Variants in BANK1 observed in about 807,000 individuals in gnomAD.
BANK1 encodes the protein B cell scaffold protein with ankyrin repeats 1, also known as B-cell scaffold protein with ankyrin repeats.
BANK1 carries 95 observed loss-of-function variants against 94.5 expected under a neutral mutation model. The observed-to-expected ratio is 1.00, with a 90% confidence interval of 0.85 to 1.19. The LOEUF is 1.19. Among genes scored for constraint, BANK1 ranks in the 50% most tolerant of loss-of-function variants. The pLI is 0.00. For missense variants in BANK1, 987 were observed against 932.2 expected (o/e 1.06, Z -0.77); for synonymous variants, 334 against 308.4 (o/e 1.08, Z -0.87).
rs1325831775 is a variant in BANK1 at position 102,025,099 on chromosome 4, A to T, written c.1286-102A>T. The T allele has an allele frequency of 2.4e-6, 3 of 1,254,922 alleles. No homozygotes were observed. In the East Asian group the frequency reaches 7.0e-5, roughly 29 times the overall value. The allele number at this position is 1,254,922 out of a possible 1,614,324, so 77.7% of individuals were successfully genotyped here. Reference sequence around the variant, plus strand: ...GCTTTTCACTATATCAGGTCATAAAAGTTTTATTAGCAGTACTACTATTTC... The same window carrying T: ...GCTTTTCACTATATCAGGTCATAAATGTTTTATTAGCAGTACTACTATTTC... On this transcript the variant is annotated intron_variant, in intron 8 of 16. Coordinates refer to ENST00000322953, the MANE Select transcript of BANK1 (RefSeq NM_017935.5).
intron 7 of BANK1, chr4:101,981,744 A>G (rs1169486963): frequency 6.6e-6 from 1 of 152,048 alleles, no homozygotes; most frequent in Non-Finnish European, 1.5e-5. Flanking sequence ...TTTCTAAGCT[A>G]CTATACTAGT....
intron 5 of BANK1, among the ~76,000 whole-genome samples, chr4:101,875,652 G>A (rs535893613): frequency 2.0e-3 from 312 of 152,270 alleles, no homozygotes; most frequent in Non-Finnish European, 3.3e-3. Flanking sequence ...TTCAAGATGA[G>A]ATTTGGGTGG....
At chr4:101,878,922 A>G (rs548905704) in intron 5 of BANK1, among the ~76,000 whole-genome samples, 4 of 152,086 alleles carry the variant, frequency 2.6e-5, no homozygotes, top group Non-Finnish European at 4.4e-5. Context: ...GCAGTACAAC[A>G]TACCAAAATC....
At chr4:101,933,080 C>G (rs975647623) in intron 7 of BANK1, among the ~76,000 whole-genome samples, 3 of 151,442 alleles carry the variant, frequency 2.0e-5, no homozygotes, top group African/African-American at 7.3e-5. Context: ...AGTTACACTG[C>G]AAACTCTCTT....
chr4:101,870,629 A>G lies in BANK1; in HGVS notation c.888A>G (p.Gly296=). The G allele has an allele frequency of 6.2e-7, 1 of 1,610,904 alleles. No homozygotes were observed. Among genetic ancestry groups the G allele is most frequent in the Non-Finnish European group, 8.5e-7 (1 of 1,178,604 alleles). ...GCCTATTCAGAATGGCAGATTCAGG[A>G]GAGAGTTTGTGCCAGGTAAGTTAAT... is the stretch of plus-strand genomic sequence containing the variant. The part of the protein sequence containing the change: ...KECLFRMADS[G]ESLCQNSIEE... The change falls in exon 5 of 17, where the codon GGA becomes GGG. Residue 296 remains glycine (G), a synonymous_variant. Coordinates refer to ENST00000322953, the MANE Select transcript of BANK1 (RefSeq NM_017935.5).
At chr4:102,061,258 T>C (rs775108974) in intron 12 of BANK1, among the ~76,000 whole-genome samples, 1 of 152,142 alleles carries the variant, frequency 6.6e-6, no homozygotes, top group Non-Finnish European at 1.5e-5. Flanking sequence ...AGAATCAAAA[T>C]AGAGAAATTT....
chr4:101,948,103 T>C (rs1723997453), intron 7 of BANK1, among the ~76,000 whole-genome samples: 1 of 152,136 alleles, frequency 6.6e-6, no homozygotes. Context: ...TGTATGTCAT[T>C]TGTTACTTTA....
chr4:101,986,239 T>G (rs1725477911), intron 7 of BANK1, among the ~76,000 whole-genome samples: 1 of 152,108 alleles, frequency 6.6e-6, no homozygotes, highest in Non-Finnish European at 1.5e-5. Flanking sequence ...AAGACACACA[T>G]GTTCCTAAAA....
intron 5 of BANK1, among the ~76,000 whole-genome samples, chr4:101,872,817 A>C (rs1728343556): frequency 6.6e-6 from 1 of 152,058 alleles, no homozygotes; most frequent in South Asian, 2.1e-4. Context: ...GCAAAACCCC[A>C]TCTCTACTAA....
chr4:101,875,511 C>G lies in BANK1; in HGVS notation c.903+4867C>G, dbSNP rs141399705. On this transcript the variant is annotated intron_variant, in intron 5 of 16. Transcript: ENST00000322953. ...TGGCAGGAGGTGGTTGGGGGGACTG[C>G]CACACATTTTTAAACCATCAGATCT... Among the ~76,000 whole-genome samples the G allele has an allele frequency of 4.1e-3, 622 of 152,038 alleles. 5 individuals carry two copies. Among genetic ancestry groups the G allele is most frequent in the African/African-American group, 0.014 (564 of 41,470 alleles).
intron 10 of BANK1, among the ~76,000 whole-genome samples, chr4:102,034,209 G>A (rs1317021113): frequency 1.3e-5 from 2 of 152,118 alleles, no homozygotes; most frequent in Non-Finnish European, 2.9e-5. Flanking sequence ...GAAAGATTGG[G>A]AATAGAAGAT....
intron 2 of BANK1, among the ~76,000 whole-genome samples, chr4:101,848,211 G>T (rs1727332330): frequency 6.6e-6 from 1 of 152,054 alleles, no homozygotes; most frequent in Non-Finnish European, 1.5e-5. Flanking sequence ...TTTTGGGGGG[G>T]GTCTCCTGGG....
rs191713165 is a variant in BANK1, at chr4:101,886,181, G to T, written c.904-9124G>T. 2.0e-3 allele frequency among the ~76,000 whole-genome samples: 309 copies of T among 152,258 alleles called. 4 individuals carry two copies. The highest frequency in any genetic ancestry group is 0.018 in the Admixed American group (274 of 15,298). On this transcript the variant is annotated intron_variant, in intron 5 of 16. Transcript: ENST00000322953. ...CACATGGCTGCTCAATAAATATTTT[G>T]TTGGGCAAATAGGAGGTGAAAAAAT...
At chr4:102,052,135 TTGA>T (rs1336142860) in intron 11 of BANK1, among the ~76,000 whole-genome samples, 2 of 136,216 alleles carry the variant, frequency 1.5e-5, no homozygotes, top group Non-Finnish European at 1.6e-5. Flanking sequence ...TTTTTTTTTT[TTGA>T]GACAGAGTCT....
At chr4:101,881,480 G>A (rs1182896802) in intron 5 of BANK1, among the ~76,000 whole-genome samples, 1 of 152,054 alleles carries the variant, frequency 6.6e-6, no homozygotes, top group Non-Finnish European at 1.5e-5. Context: ...AAGTAAATTA[G>A]TACAACCACT....
intron 9 of BANK1, among the ~76,000 whole-genome samples, chr4:102,027,723 G>C (rs1250794198): frequency 6.7e-6 from 1 of 150,156 alleles, no homozygotes; most frequent in African/African-American, 2.4e-5. Context: ...ATTCCTCACA[G>C]TGGATTTACG....
At chr4:101,826,278 A>G (rs1442026143) in intron 1 of BANK1, among the ~76,000 whole-genome samples, 3 of 151,998 alleles carry the variant, frequency 2.0e-5, no homozygotes, top group Non-Finnish European at 4.4e-5. Context: ...AAATAATATT[A>G]TTGTGTCCTT....
Position 101,918,080 on chromosome 4 carries a change from C to A in BANK1, c.1097C>A (p.Ser366Ter). The A allele has an allele frequency of 6.2e-7, 1 of 1,612,004 alleles. No homozygotes were observed. The highest frequency in any genetic ancestry group is 2.2e-5 in the East Asian group (1 of 44,804). The change falls in exon 7 of 17, where the codon TCA becomes TAA. Residue 366 changes from serine (S) to a stop codon, truncating the protein, a stop_gained. Coordinates refer to ENST00000322953, the MANE Select transcript of BANK1 (RefSeq NM_017935.5). LOFTEE classifies it high-confidence loss of function. ...KNLAIHLLQC[S>*]GATWASKMKN... ...CTGGCTATTCATTTGCTTCAATGTT[C>A]AGGAGCAACCTGGGCATCTAAGATG...
intron 7 of BANK1, among the ~76,000 whole-genome samples, chr4:101,932,361 A>G (rs1723382732): frequency 6.6e-6 from 1 of 151,600 alleles, no homozygotes; most frequent in Admixed American, 6.6e-5. Flanking sequence ...ATGTTTGTGT[A>G]TGTACATAAA....
Sources: gnomAD v4.1 joint callset for allele counts (sites outside exome capture counted in the v4.1 genomes callset) on GRCh38, gnomAD v4.1.1 for gene constraint, MANE v1.5 for transcripts, NCBI Gene and HGNC (gene_info 2026-07-23, HGNC 2026-07-21) for gene names.